MFSD2B: variants seen among roughly 807,000 people sequenced by gnomAD.
MFSD2B encodes the protein sphingosine-1-phosphate transporter MFSD2B.
A neutral mutation model predicts 58.4 loss-of-function variants in MFSD2B; 56 were observed. The observed-to-expected ratio is 0.96, with a 90% confidence interval of 0.77 to 1.20. The LOEUF (loss-of-function observed/expected upper bound fraction) is 1.20. Among genes scored for constraint, MFSD2B ranks in the 50% most tolerant of loss-of-function variants. The pLI is 0.00. For missense variants in MFSD2B, 645 were observed against 667.6 expected, an observed-to-expected ratio of 0.97 and a Z score of 0.37; for synonymous variants, 287 against 294.4, an observed-to-expected ratio of 0.97 and a Z score of 0.26.
At position 24,021,711 on chromosome 2, in the gene MFSD2B, C is replaced by T. The variant is rs1482295742; in HGVS notation, c.745C>T (p.Leu249=). The change falls in exon 7 of 14, where the codon CTG becomes TTG. Residue 249 remains leucine (L), a synonymous_variant. Coordinates refer to ENST00000338315, the MANE Select transcript of MFSD2B (RefSeq NM_001346880.2). This position sits in a 1 kb window ranked among gnomAD's most constrained non-coding sequence, Gnocchi z 5.7. ...VVTYPVCISL[L]CLGVKERPDP... ...GACTTACCCCGTGTGCATCAGTTTA[C>T]TGTGCCTAGGGGTGAAGGAGCGGCC... 6.2e-7 allele frequency: 1 copy of T among 1,613,634 alleles called. No individual in the cohort carries two copies. The highest frequency in any genetic ancestry group is 8.5e-7 in the Non-Finnish European group (1 of 1,179,734).
At position 24,012,170 on chromosome 2, in the gene MFSD2B, ACACAC is replaced by A. The variant is rs1373531230; in HGVS notation, c.97-1114_97-1110del. Among the ~76,000 whole-genome samples, 32 of 139,784 alleles carry A rather than the reference ACACAC, an allele frequency of 2.3e-4. No homozygotes were observed. The South Asian group carries it at 6.3e-3, about 28-fold the overall frequency. 91.7% of individuals were successfully genotyped at this position (139,784 alleles called of 152,430 possible). ...AAACAAAACACACACACACACACAC[ACACAC>A]ACACAAAAACAGACAAAAAAACCCT... On this transcript the variant is annotated intron_variant, in intron 1 of 13. Transcript: ENST00000338315. The surrounding 1 kb of genome is among the most constrained non-coding windows in gnomAD (Gnocchi z 4.5).
In MFSD2B at chr2:24,016,191, G is replaced by A; in HGVS notation, c.258G>A (p.Gly86=). Residue 86 remains glycine, a synonymous_variant, in exon 3 of 14, where the codon GGG becomes GGA. Coordinates refer to ENST00000338315, the MANE Select transcript of MFSD2B (RefSeq NM_001346880.2). ...PAAQVSLVLF[G]GKVSGAAADP... is the part of the protein sequence containing the mutation. Reference sequence around the variant, plus strand: ...CCCAGGTGTCACTTGTTCTGTTTGGGGGAAAAGTGTCTGGGGCGGCTGCTG... The same window carrying A: ...CCCAGGTGTCACTTGTTCTGTTTGGAGGAAAAGTGTCTGGGGCGGCTGCTG... 1 of 1,613,944 alleles carries A rather than the reference G, an allele frequency of 6.2e-7. No homozygotes were observed. The highest frequency in any genetic ancestry group is 1.3e-5 in the African/African-American group (1 of 75,060).
At position 24,025,501 on chromosome 2, in the gene MFSD2B, CG is replaced by C; in HGVS notation, c.*49del. ...GAATGGACACAGGAGCCAGCACCCTCGGGGCCTGACATCGCCCTCCTCAGCC... is the reference window on the plus strand; with the variant it reads ...GAATGGACACAGGAGCCAGCACCCTCGGGCCTGACATCGCCCTCCTCAGCC... On this transcript the variant is annotated 3_prime_UTR_variant, in exon 14 of 14. Transcript: ENST00000338315. The C allele has an allele frequency of 6.6e-7, 1 of 1,520,868 alleles. No homozygotes were observed. Among genetic ancestry groups the C allele is most frequent in the Non-Finnish European group, 8.8e-7 (1 of 1,133,102 alleles). 94.2% of individuals were successfully genotyped at this position (1,520,868 alleles called of 1,614,324 possible). A position where few individuals can be genotyped will look rare whatever the true frequency, so the allele number is the denominator to read the frequency against.
rs1349841605 is a variant in MFSD2B at position 24,012,173 on chromosome 2, C to CAAA, written c.97-1111_97-1110insAAA. Among the ~76,000 whole-genome samples, 1 of 65,944 alleles carries CAAA rather than the reference C, an allele frequency of 1.5e-5. No individual in the cohort carries two copies. Among genetic ancestry groups the CAAA allele is most frequent in the South Asian group, 5.9e-4 (1 of 1,688 alleles). The allele number at this position is 65,944 out of a possible 152,430, so 43.3% of individuals were successfully genotyped here. ...CAAAACACACACACACACACACACA[C>CAAA]ACACACAAAAACAGACAAAAAAACC... On this transcript the variant is annotated intron_variant, in intron 1 of 13. Transcript: ENST00000338315. This position sits in a 1 kb window ranked among gnomAD's most constrained non-coding sequence, Gnocchi z 4.5.
At chr2:24,019,987 A>G (rs1432225914) in intron 6 of MFSD2B, among the ~76,000 whole-genome samples, 3 of 152,164 alleles carry the variant, frequency 2.0e-5, no homozygotes, top group Admixed American at 2.0e-4. Flanking sequence ...TCCAATGCCA[A>G]TGCCATCTCC....
At position 24,025,658 on chromosome 2, in the gene MFSD2B, G is replaced by A. The variant is rs1171420277; in HGVS notation, c.*202G>A. The A allele has an allele frequency of 1.7e-6, 1 of 593,926 alleles. No individual in the cohort carries two copies. Among genetic ancestry groups the A allele is most frequent in the Non-Finnish European group, 3.0e-6 (1 of 330,648 alleles). 36.8% of individuals were successfully genotyped at this position (593,926 alleles called of 1,614,324 possible). The stretch of plus-strand genomic sequence containing the variant: ...TGGCATTTCTTGTCTGTTGCCTTCA[G>A]ACTATCTCAGATAGGCCTGTGCCCC... On this transcript the variant is annotated 3_prime_UTR_variant, in exon 14 of 14. Transcript: ENST00000338315.
In MFSD2B at chr2:24,022,817, C is replaced by T; in HGVS notation, c.979-5C>T. On this transcript the variant is annotated splice_region_variant and splice_polypyrimidine_tract_variant and intron_variant, in intron 9 of 13. Coordinates refer to ENST00000338315, the MANE Select transcript of MFSD2B (RefSeq NM_001346880.2). The surrounding 1 kb of genome is among the most constrained non-coding windows in gnomAD (Gnocchi z 4.5). ...CCCTGGCGTGACGATGCTGTCTGCT[C>T]ACAGGTCTCAGCCGTGCTGAGCACC... 6.3e-7 allele frequency: 1 copy of T among 1,575,460 alleles called. No individual in the cohort carries two copies. Among genetic ancestry groups the T allele is most frequent in the Non-Finnish European group, 8.6e-7 (1 of 1,163,420 alleles).
In MFSD2B at chr2:24,017,533, C is replaced by T. The variant is rs747673516; in HGVS notation, c.626C>T (p.Pro209Leu). Residue 209 changes from proline to leucine, a missense_variant, in exon 6 of 14, where the codon CCC becomes CTC. Coordinates refer to ENST00000338315, the MANE Select transcript of MFSD2B (RefSeq NM_001346880.2). The surrounding 1 kb of genome is among the most constrained non-coding windows in gnomAD (Gnocchi z 4.8). ...CTCATCGTGTCCGGCGCCCACAGAC[C>T]CCACAGGTGCGAGGCCACTGCGACC... ...HGLIVSGAHR[P>L]HRCEATATPG... The T allele has an allele frequency of 1.9e-6, 3 of 1,576,046 alleles. No individual in the cohort carries two copies. The South Asian group carries it at 3.5e-5, about 18-fold the overall frequency.
At chr2:24,013,228 G>A (rs550858853) in intron 1 of MFSD2B, 57 bp from the exon 2 acceptor site, 2 of 1,520,154 alleles carry the variant, frequency 1.3e-6, no homozygotes, top group African/African-American at 1.4e-5. Flanking sequence ...GTCATGGGGT[G>A]TGGGGACCTG....
At chr2:24,018,056 G>C (rs564410614) in intron 6 of MFSD2B, among the ~76,000 whole-genome samples, 11 of 152,178 alleles carry the variant, frequency 7.2e-5, no homozygotes, top group African/African-American at 2.2e-4. Context: ...TCCCTTTCAC[G>C]GCGGGTCCCT....
intron 3 of MFSD2B, 117 bp from the exon 4 acceptor site, chr2:24,016,728 C>T (rs376733486): frequency 1.9e-5 from 24 of 1,275,422 alleles, no homozygotes; most frequent in African/African-American, 4.4e-5. Context: ...CCACCCAGGG[C>T]GCCCCAGCCT....
intron 1 of MFSD2B, chr2:24,013,009 C>T: frequency 6.5e-6 from 2 of 310,072 alleles, no homozygotes; most frequent in Non-Finnish European, 6.0e-6. Context: ...CACGGCCGTG[C>T]TGACTCAGTA....
chr2:24,023,313 G>T lies in MFSD2B; in HGVS notation c.1169+74G>T. 7.9e-7 allele frequency: 1 copy of T among 1,263,038 alleles called. No homozygotes were observed. The highest frequency in any genetic ancestry group is 1.9e-4 in the Middle Eastern group (1 of 5,336). The allele number at this position is 1,263,038 out of a possible 1,614,324, so 78.2% of individuals were successfully genotyped here. On this transcript the variant is annotated intron_variant, in intron 11 of 13. Transcript: ENST00000338315. The surrounding 1 kb of genome is among the most constrained non-coding windows in gnomAD (Gnocchi z 5.0). ...CCTTCATGTAAACCTGCCGTCCCAG[G>T]CCCCCTGCACCCAGCCTGTGCAGGA...
At chr2:24,019,333 T>A (rs1395459561) in intron 6 of MFSD2B, among the ~76,000 whole-genome samples, 3 of 152,122 alleles carry the variant, frequency 2.0e-5, no homozygotes, top group Admixed American at 1.3e-4. Context: ...AATCTCTATG[T>A]TAACAAGCCC....
At chr2:24,025,082 A>G (rs768256177) in intron 13 of MFSD2B, among the ~76,000 whole-genome samples, 9 of 152,214 alleles carry the variant, frequency 5.9e-5, no homozygotes, top group Admixed American at 1.3e-4. Flanking sequence ...CAATGTTCAC[A>G]CAAGTAAGGT....
intron 6 of MFSD2B, chr2:24,018,115 T>A: frequency 6.4e-6 from 1 of 155,586 alleles, no homozygotes; most frequent in Non-Finnish European, 1.4e-5. Context: ...ATTTACCTTC[T>A]CTTTTTCCAT....
Position 24,017,608 on chromosome 2 carries a change from A to T in MFSD2B, c.681+20A>T, listed in dbSNP as rs189345289. On this transcript the variant is annotated intron_variant, in intron 6 of 13. Transcript: ENST00000338315. The surrounding 1 kb of genome is among the most constrained non-coding windows in gnomAD (Gnocchi z 4.8). ...AATGCAGTAAGTGCACTGGGTGGCA[A>T]GGCCCCCCAACCTGGGGTCCCCTCT... is the stretch of plus-strand genomic sequence containing the variant. 1.7e-5 allele frequency: 26 copies of T among 1,533,900 alleles called. No individual in the cohort carries two copies. The Admixed American group carries it at 3.2e-4, about 19-fold the overall frequency.
At position 24,025,526 on chromosome 2, in the gene MFSD2B, C is replaced by A. The variant is rs1662951811; in HGVS notation, c.*70C>A. 1 of 1,349,630 alleles carries A rather than the reference C, an allele frequency of 7.4e-7. No individual in the cohort carries two copies. Among genetic ancestry groups the A allele is most frequent in the Non-Finnish European group, 1.0e-6 (1 of 977,180 alleles). 83.6% of individuals were successfully genotyped at this position (1,349,630 alleles called of 1,614,324 possible). ...CGGGGCCTGACATCGCCCTCCTCAG[C>A]CCTCCAGCACCTGGTCTGGCAGTTT... On this transcript the variant is annotated 3_prime_UTR_variant, in exon 14 of 14. Coordinates refer to ENST00000338315, the MANE Select transcript of MFSD2B (RefSeq NM_001346880.2).
At position 24,012,046 on chromosome 2, in the gene MFSD2B, G is replaced by T. The variant is rs530882789; in HGVS notation, c.97-1239G>T. 4.6e-5 allele frequency among the ~76,000 whole-genome samples: 7 copies of T among 152,092 alleles called. No individual in the cohort carries two copies. The highest frequency in any genetic ancestry group is 9.6e-5 in the African/African-American group (4 of 41,504). ...TTTGAGGTGAGGTGGGTAGGGGGCC[G>T]ACTGGGTGGACTCCTTAGCCATGAT... On this transcript the variant is annotated intron_variant, in intron 1 of 13. Coordinates refer to ENST00000338315, the MANE Select transcript of MFSD2B (RefSeq NM_001346880.2). This position sits in a 1 kb window ranked among gnomAD's most constrained non-coding sequence, Gnocchi z 4.5.
Sources: gnomAD v4.1 joint callset for allele counts (sites outside exome capture counted in the v4.1 genomes callset) on GRCh38, gnomAD v4.1.1 for gene constraint, Gnocchi (gnomAD v3.1) non-coding constraint, MANE v1.5 for transcripts, NCBI Gene and HGNC (gene_info 2026-07-23, HGNC 2026-07-21) for gene names.